The following CDC42SE1 variants were observed in gnomAD, a reference collection of about 807,000 sequenced individuals.
The protein encoded by CDC42SE1 is CDC42 small effector protein 1.
Under a neutral mutation model 10.9 loss-of-function variants are expected in CDC42SE1, and 10 were observed. The observed-to-expected ratio is 0.92, with a 90% CI of 0.57 to 1.56. The LOEUF (loss-of-function observed/expected upper bound fraction) is 1.56. Ranked by LOEUF, CDC42SE1 falls within the 40% of genes most tolerant of loss-of-function variation. CDC42SE1 has a pLI of 0.00. For synonymous variants in CDC42SE1, 24 were observed against 32.0 expected, an observed-to-expected ratio of 0.75 and a Z score of 0.85; for missense variants, 81 against 100.8, an observed-to-expected ratio of 0.80 and a Z score of 0.84.
At chr1:151,056,048 A>C in intron 1 of CDC42SE1, 55 bp from the exon 2 acceptor site, 2 of 392,482 alleles carry the variant, frequency 5.1e-6, no homozygotes, top group Non-Finnish European at 9.6e-6. Flanking sequence ...CCCTCCCCCA[A>C]TCCTTGAGAA....
Position 151,055,097 on chromosome 1 carries a change from G to A in CDC42SE1, c.84C>T (p.Thr28=), listed in dbSNP as rs1485267242. ...CAAAATTCATTGGTTCCCCAATCAT[G>A]GTCCGGTCAATCCGTCTTCTCTTCT... ...PKKKRRRIDR[T]MIGEPMNFVH... is the part of the protein sequence containing the mutation. Residue 28 remains threonine, a synonymous_variant, in exon 3 of 5, where the codon ACC becomes ACT. Transcript: ENST00000357235. The A allele has an allele frequency of 6.2e-6, 10 of 1,613,496 alleles. No individual in the cohort carries two copies. Among genetic ancestry groups the A allele is most frequent in the Non-Finnish European group, 8.5e-6 (10 of 1,179,898 alleles).
rs1437654762 is a variant in CDC42SE1, at chr1:151,057,540, ATAG to A, written c.-263-1550_-263-1548del. On this transcript the variant is annotated intron_variant, in intron 1 of 4. Transcript: ENST00000357235. This position sits in a 1 kb window ranked among gnomAD's most constrained non-coding sequence, Gnocchi z 4.0. ...AAAAAAACACACACAAAAAAACGAGATAGCAGGGTGTGGTAGCATGTGCCTGTC... is the reference window on the plus strand; with the variant it reads ...AAAAAAACACACACAAAAAAACGAGACAGGGTGTGGTAGCATGTGCCTGTC... Among the ~76,000 whole-genome samples, 5 of 151,422 alleles carry A rather than the reference ATAG, an allele frequency of 3.3e-5. No individual in the cohort carries two copies. The highest frequency in any genetic ancestry group is 1.2e-4 in the African/African-American group (5 of 41,188).
intron 2 of CDC42SE1, 32 bp from the exon 3 acceptor site, chr1:151,055,158 A>G: frequency 6.7e-7 from 1 of 1,502,016 alleles, no homozygotes; most frequent in Non-Finnish European, 9.3e-7. Context: ...TCATGTCTTA[A>G]GGCCCCTCCT....
chr1:151,057,862 G>A lies in CDC42SE1; in HGVS notation c.-264+1617C>T, dbSNP rs1676314638. The A allele has an allele frequency of 6.6e-6, 1 of 152,370 alleles. No homozygotes were observed. Among genetic ancestry groups the A allele is most frequent in the Non-Finnish European group, 1.5e-5 (1 of 68,194 alleles). 9.4% of individuals were successfully genotyped at this position (152,370 alleles called of 1,614,324 possible). ...CTTCTCTTCTCACCACTGGAAGGGA[G>A]GAGTAACCAGAAGGAGCGGAAGCTA... On this transcript the variant is annotated intron_variant, in intron 1 of 4. Transcript: ENST00000357235. The surrounding 1 kb of genome is among the most constrained non-coding windows in gnomAD (Gnocchi z 4.0).
chr1:151,058,038 C>CTG (rs1344551509), intron 1 of CDC42SE1: 1 of 152,444 alleles, frequency 6.6e-6, no homozygotes, highest in African/African-American at 2.4e-5. Context: ...GCAGGCTGTA[C>CTG]TGTGACTGGA....
Position 151,054,269 on chromosome 1 carries a change from C to T in CDC42SE1, c.218G>A (p.Trp73Ter). ...GAGCTATAAGCCCCTAGAATTGCTC[C>T]ATGGCCTATCTCGGTTTCCCTTGGA... is the stretch of plus-strand genomic sequence containing the variant. ...MRSKGNRDRP[W>*]SNSRGL The change falls in exon 4 of 5, where the codon TGG becomes TAG. Residue 73 changes from tryptophan to a stop codon, truncating the protein, a stop_gained. Coordinates refer to ENST00000357235, the MANE Select transcript of CDC42SE1 (RefSeq NM_020239.4). LOFTEE classifies it high-confidence loss of function. 1 of 1,613,788 alleles carries T rather than the reference C, an allele frequency of 6.2e-7. No homozygotes were observed. Among genetic ancestry groups the T allele is most frequent in the Non-Finnish European group, 8.5e-7 (1 of 1,179,784 alleles).
intron 3 of CDC42SE1, 68 bp from the exon 4 acceptor site, chr1:151,054,389 G>T: frequency 1.6e-6 from 2 of 1,266,534 alleles, no homozygotes; most frequent in South Asian, 1.2e-5. Flanking sequence ...TCTACTTTGT[G>T]CCTTCCAGGG....
rs1676294760 is a variant in CDC42SE1, at chr1:151,057,166, C to T, written c.-263-1173G>A. Among the ~76,000 whole-genome samples, 1 of 152,182 alleles carries T rather than the reference C, an allele frequency of 6.6e-6. No individual in the cohort carries two copies. Among genetic ancestry groups the T allele is most frequent in the African/African-American group, 2.4e-5 (1 of 41,436 alleles). ...CATAAATATGACACTTTAACATGAACAGGAATCTCCCTTTCTTGCAGGCCG... is the reference window on the plus strand; with the variant it reads ...CATAAATATGACACTTTAACATGAATAGGAATCTCCCTTTCTTGCAGGCCG... On this transcript the variant is annotated intron_variant, in intron 1 of 4. Coordinates refer to ENST00000357235, the MANE Select transcript of CDC42SE1 (RefSeq NM_020239.4). The surrounding 1 kb of genome is among the most constrained non-coding windows in gnomAD (Gnocchi z 4.0).
rs890446883 is a variant in CDC42SE1, at chr1:151,057,216, A to G, written c.-263-1223T>C. ...GGGAACCCTGATGCTTTGGCACCCTAGACTGATTTAAAAACAAGAGATAGG... is the reference window on the plus strand; with the variant it reads ...GGGAACCCTGATGCTTTGGCACCCTGGACTGATTTAAAAACAAGAGATAGG... On this transcript the variant is annotated intron_variant, in intron 1 of 4. Transcript: ENST00000357235. The surrounding 1 kb of genome is among the most constrained non-coding windows in gnomAD (Gnocchi z 4.0). 1.3e-5 allele frequency among the ~76,000 whole-genome samples: 2 copies of G among 152,326 alleles called. No individual in the cohort carries two copies. The highest frequency in any genetic ancestry group is 2.9e-5 in the Non-Finnish European group (2 of 68,024).
intron 2 of CDC42SE1, 188 bp downstream of exon 2, chr1:151,055,489 T>G: frequency 3.1e-6 from 2 of 639,208 alleles, no homozygotes; most frequent in East Asian, 2.7e-5. Context: ...TAGCTAGGAC[T>G]ATTCACTTCT....
rs999330872 is a variant in CDC42SE1, at chr1:151,055,782, T to C, written c.-52A>G. 30 of 1,495,482 alleles carry C rather than the reference T, an allele frequency of 2.0e-5. No individual in the cohort carries two copies. Among genetic ancestry groups the C allele is most frequent in the African/African-American group, 2.8e-5 (2 of 72,348 alleles). 92.6% of individuals were successfully genotyped at this position (1,495,482 alleles called of 1,614,324 possible). A position where few individuals can be genotyped will look rare whatever the true frequency, so the allele number is the denominator to read the frequency against. ...CGCTGTCTGAGGCCCCAAAGGGCTC[T>C]TTCCCTGGTGTTTGGACAACCCACT... On this transcript the variant is annotated 5_prime_UTR_variant, in exon 2 of 5. Transcript: ENST00000357235.
intron 4 of CDC42SE1, among the ~76,000 whole-genome samples, chr1:151,053,627 G>T (rs933966512): frequency 6.6e-6 from 1 of 152,072 alleles, no homozygotes; most frequent in African/African-American, 2.4e-5. Context: ...GATTACAGGC[G>T]TGTGCCATCA....
At chr1:151,056,759 A>G (rs978995868) in intron 1 of CDC42SE1, 2 of 152,284 alleles carry the variant, frequency 1.3e-5, no homozygotes, top group African/African-American at 4.8e-5. Flanking sequence ...GCATGGCCAT[A>G]TCTCCACGTG....
At position 151,056,357 on chromosome 1, in the gene CDC42SE1, G is replaced by A. The variant is rs1676278436; in HGVS notation, c.-263-364C>T. 2.0e-5 allele frequency among the ~76,000 whole-genome samples: 3 copies of A among 152,170 alleles called. No individual in the cohort carries two copies. The South Asian group carries it at 6.2e-4, about 32-fold the overall frequency. The stretch of plus-strand genomic sequence containing the variant: ...TCTGAGTTTAGGGCAGAAGGGGAGG[G>A]GCATTTAAGTGACTCTGAAGAGGAA... On this transcript the variant is annotated intron_variant, in intron 1 of 4. Transcript: ENST00000357235.
rs1676167216 is a variant in CDC42SE1 at position 151,051,077 on chromosome 1, A to G, written c.*2267T>C. ...CTCTCAAACCCATTCCCATCACTTTATTAGTGATGGTAGCATACATATTAG... is the reference window on the plus strand; with the variant it reads ...CTCTCAAACCCATTCCCATCACTTTGTTAGTGATGGTAGCATACATATTAG... On this transcript the variant is annotated 3_prime_UTR_variant, in exon 5 of 5. Coordinates refer to ENST00000357235, the MANE Select transcript of CDC42SE1 (RefSeq NM_020239.4). 6.6e-6 allele frequency: 1 copy of G among 152,204 alleles called. No homozygotes were observed. The highest frequency in any genetic ancestry group is 6.5e-5 in the Admixed American group (1 of 15,280). The allele number at this position is 152,204 out of a possible 1,614,324, so 9.4% of individuals were successfully genotyped here.
At chr1:151,056,189 A>T (rs1363709716) in intron 1 of CDC42SE1, among the ~76,000 whole-genome samples, 196 bp from the exon 2 acceptor site, 1 of 152,114 alleles carries the variant, frequency 6.6e-6, no homozygotes, top group Non-Finnish European at 1.5e-5. Flanking sequence ...AAGGACACCA[A>T]GGGGTTAAGG....
Position 151,057,742 on chromosome 1 carries a change from G to C in CDC42SE1, c.-264+1737C>G, listed in dbSNP as rs1220353911. On this transcript the variant is annotated intron_variant, in intron 1 of 4. Transcript: ENST00000357235. The surrounding 1 kb of genome is among the most constrained non-coding windows in gnomAD (Gnocchi z 4.0). Reference sequence around the variant, plus strand: ...ACACACACACACACACACACACAGAGGTTTTTTTTTTTTTTAACAGCCTTG... The same window carrying C: ...ACACACACACACACACACACACAGACGTTTTTTTTTTTTTTAACAGCCTTG... 3 of 139,898 alleles carry C rather than the reference G, an allele frequency of 2.1e-5. No homozygotes were observed. Among genetic ancestry groups the C allele is most frequent in the Non-Finnish European group, 3.1e-5 (2 of 64,152 alleles). 8.7% of individuals were successfully genotyped at this position (139,898 alleles called of 1,614,324 possible).
intron 3 of CDC42SE1, 66 bp downstream of exon 3, chr1:151,054,950 C>G: frequency 8.3e-7 from 1 of 1,200,688 alleles, no homozygotes; most frequent in Non-Finnish European, 1.2e-6. Context: ...CTAGCTTGAA[C>G]TTTCAAAAAG....
chr1:151,055,223 G>A lies in CDC42SE1; in HGVS notation c.55-97C>T, dbSNP rs1303105213. On this transcript the variant is annotated intron_variant, in intron 2 of 4. Coordinates refer to ENST00000357235, the MANE Select transcript of CDC42SE1 (RefSeq NM_020239.4). ...CTTCAAAACCACTGAAAAGCTAAGGGCCTGGTGGGAAGAGGGGATGTGGCA... is the reference window on the plus strand; with the variant it reads ...CTTCAAAACCACTGAAAAGCTAAGGACCTGGTGGGAAGAGGGGATGTGGCA... The A allele has an allele frequency of 3.4e-6, 3 of 884,164 alleles. No homozygotes were observed. In the African/African-American group the frequency reaches 5.0e-5, roughly 15 times the overall value. The allele number at this position is 884,164 out of a possible 1,614,324, so 54.8% of individuals were successfully genotyped here.
Sources: allele counts gnomAD v4.1 joint callset (sites outside exome capture counted in the v4.1 genomes callset), GRCh38; gene constraint gnomAD v4.1.1; non-coding constraint Gnocchi (gnomAD v3.1); transcripts MANE v1.5; gene names NCBI Gene and HGNC (gene_info 2026-07-23, HGNC 2026-07-21).